The following PCDH11X variants were observed in gnomAD, a reference collection of about 807,000 sequenced individuals.
PCDH11X encodes the protein protocadherin-11 X-linked.
PCDH11X carries 18 observed loss-of-function variants against 53.3 expected under a neutral mutation model. The ratio of observed to expected loss-of-function variants is 0.34; its 90% CI spans 0.23 to 0.50. The LOEUF (loss-of-function observed/expected upper bound fraction) is 0.50, where lower values mean the gene tolerates loss of function less well. Among genes scored for constraint, PCDH11X ranks in the 20% least tolerant of loss-of-function variants. PCDH11X has a pLI of 0.98. For synonymous variants in PCDH11X, 279 were observed against 393.3 expected (o/e 0.71, Z 3.44); for missense variants, 570 against 1,032.4 (o/e 0.55, Z 6.14).
At chrX:91,820,936 T>C (rs1936654806) in intron 4 of PCDH11X, among the ~76,000 whole-genome samples, 1 of 108,613 alleles carries the variant, frequency 9.2e-6, no homozygotes, top group South Asian at 3.9e-4. Context: ...GGGAATCCTT[T>C]CCCCATTGCT....
intron 8 of PCDH11X, among the ~76,000 whole-genome samples, chrX:92,274,457 G>A (rs755102893): frequency 7.2e-5 from 8 of 111,039 alleles, no homozygotes; most frequent in African/African-American, 2.3e-4. Flanking sequence ...CTGACAGAAC[G>A]GAAGAAATGA....
chrX:92,105,516 G>A (rs1363170156), intron 6 of PCDH11X, among the ~76,000 whole-genome samples: 5 of 109,917 alleles, frequency 4.5e-5, no homozygotes, highest in Admixed American at 9.7e-5. Context: ...GGGTGCAGGC[G>A]GGCTGAGTCG....
chrX:91,855,003 T>C (rs1938245922), intron 5 of PCDH11X, among the ~76,000 whole-genome samples: 1 of 111,832 alleles, frequency 8.9e-6, no homozygotes, highest in Non-Finnish European at 1.9e-5. Context: ...TGTAACTTGA[T>C]GTGATCCCAT....
At chrX:92,057,947 C>A (rs1222822219) in intron 6 of PCDH11X, among the ~76,000 whole-genome samples, 1 of 86,293 alleles carries the variant, frequency 1.2e-5, no homozygotes, top group Admixed American at 1.3e-4. Flanking sequence ...AAATTGCAGT[C>A]TACTTGATTT....
intron 8 of PCDH11X, among the ~76,000 whole-genome samples, chrX:92,355,375 G>A (rs1470640827): frequency 1.1e-4 from 5 of 44,646 alleles, no homozygotes; most frequent in African/African-American, 6.4e-4. Flanking sequence ...CCGAGATCCC[G>A]CCACTGCACT....
intron 7 of PCDH11X, among the ~76,000 whole-genome samples, chrX:92,218,340 C>T (rs766150850): frequency 1.6e-4 from 18 of 110,328 alleles, no homozygotes; most frequent in Non-Finnish European, 2.5e-4. Flanking sequence ...ATCAAATAGA[C>T]GCAATAAAAA....
In PCDH11X at chrX:92,184,882, A is replaced by G. The variant is rs753414005; in HGVS notation, c.3034-16493A>G. ...AACAAAGCAAGACCTCCTCTCTACAACAAAAATAATAATAAATAAATAAAC... is the reference window on the plus strand; with the variant it reads ...AACAAAGCAAGACCTCCTCTCTACAGCAAAAATAATAATAAATAAATAAAC... On this transcript the variant is annotated intron_variant, in intron 6 of 10. Coordinates refer to ENST00000682573, the MANE Select transcript of PCDH11X (RefSeq NM_032968.5). Among the ~76,000 whole-genome samples the G allele has an allele frequency of 3.6e-5, 4 of 110,653 alleles. No individual in the cohort carries two copies. The South Asian group carries it at 1.5e-3, about 42-fold the overall frequency.
At chrX:92,450,003 G>A (rs1483426395) in intron 9 of PCDH11X, among the ~76,000 whole-genome samples, 5 of 110,912 alleles carry the variant, frequency 4.5e-5, no homozygotes, top group African/African-American at 1.3e-4. Context: ...TGCATATATT[G>A]AATAAATAAT....
chrX:92,112,108 CAAA>C (rs1298986415), intron 6 of PCDH11X, among the ~76,000 whole-genome samples: 2 of 72,294 alleles, frequency 2.8e-5, no homozygotes, highest in African/African-American at 4.7e-5. Flanking sequence ...CCAGGAATAC[CAAA>C]AAAAAAAAAA....
chrX:92,386,320 C>A (rs188079594), intron 8 of PCDH11X, among the ~76,000 whole-genome samples: 2 of 111,607 alleles, frequency 1.8e-5, no homozygotes, highest in East Asian at 5.6e-4. Flanking sequence ...AAAACATATG[C>A]ATTCTGTTAT....
At chrX:92,148,167 TC>T (rs1288072441) in intron 6 of PCDH11X, among the ~76,000 whole-genome samples, 1 of 46,240 alleles carries the variant, frequency 2.2e-5, no homozygotes, top group African/African-American at 9.5e-5. Context: ...CTTCCTTCCT[TC>T]CTTCCTTCTT....
At chrX:92,434,379 G>T (rs1476949164) in intron 9 of PCDH11X, among the ~76,000 whole-genome samples, 2 of 108,826 alleles carry the variant, frequency 1.8e-5, no homozygotes, top group African/African-American at 6.8e-5. Flanking sequence ...CTTAAGAGAA[G>T]AAAAGACAAA....
chrX:92,221,428 T>C (rs2066878007), intron 7 of PCDH11X, among the ~76,000 whole-genome samples: 1 of 109,836 alleles, frequency 9.1e-6, no homozygotes, highest in African/African-American at 3.3e-5. Context: ...CCTTCAGAAG[T>C]ATCTATAGAG....
At chrX:92,350,846 G>A (rs1413756082) in intron 8 of PCDH11X, among the ~76,000 whole-genome samples, 1 of 111,283 alleles carries the variant, frequency 9.0e-6, no homozygotes, top group Non-Finnish European at 1.9e-5. Flanking sequence ...CTGTGACCAT[G>A]TATTATCTTG....
intron 6 of PCDH11X, among the ~76,000 whole-genome samples, chrX:92,082,651 G>C (rs993909364): frequency 9.2e-6 from 1 of 108,757 alleles, no homozygotes; most frequent in Non-Finnish European, 1.9e-5. Flanking sequence ...ACATGACTAA[G>C]AGCCTACAAA....
intron 7 of PCDH11X, 27 bp from the exon 8 acceptor site, chrX:92,263,087 C>T (rs1233513032): frequency 8.5e-7 from 1 of 1,174,427 alleles, no homozygotes; most frequent in South Asian, 1.9e-5. Context: ...CCTTTGCTTC[C>T]CTTGCCTCCA....
intron 8 of PCDH11X, among the ~76,000 whole-genome samples, chrX:92,272,630 A>G: frequency 8.9e-6 from 1 of 112,614 alleles, no homozygotes; most frequent in Non-Finnish European, 1.9e-5. Flanking sequence ...ATGGAGAATT[A>G]ATATTTCAAC....
At chrX:92,218,981 T>C (rs1453355358) in intron 7 of PCDH11X, among the ~76,000 whole-genome samples, 2 of 111,511 alleles carry the variant, frequency 1.8e-5, no homozygotes. Flanking sequence ...AAAAGGCCTT[T>C]GACAAAATTC....
chrX:92,082,553 A>T (rs1433595555), intron 6 of PCDH11X, among the ~76,000 whole-genome samples: 1 of 109,364 alleles, frequency 9.1e-6, no homozygotes, highest in Non-Finnish European at 1.9e-5. Context: ...AATGTGCTTT[A>T]TTAAGAAGCA....
Sources: allele counts gnomAD v4.1 joint callset (sites outside exome capture counted in the v4.1 genomes callset), GRCh38; gene constraint gnomAD v4.1.1; transcripts MANE v1.5; gene names NCBI Gene and HGNC (gene_info 2026-07-23, HGNC 2026-07-21).